Variants in IGFBPL1 observed in about 807,000 individuals in gnomAD.
IGFBPL1 encodes the protein insulin-like growth factor-binding protein-like 1.
In IGFBPL1, 20 loss-of-function variants were observed where a neutral mutation model predicts 23.9. The ratio of observed to expected loss-of-function variants is 0.84; its 90% CI spans 0.59 to 1.22. IGFBPL1 has a LOEUF of 1.22. Ranked by LOEUF, IGFBPL1 falls within the 50% of genes most tolerant of loss-of-function variation. The probability of loss-of-function intolerance (pLI) is 0.00; values close to 1 mark genes in which losing one functional copy is unlikely to be tolerated. For synonymous variants in IGFBPL1, 184 were observed against 171.8 expected (o/e 1.07, Z -0.56); for missense variants, 436 against 379.3 (o/e 1.15, Z -1.24).
chr9:38,411,392 T>A lies in IGFBPL1; in HGVS notation c.*8A>T. 1 of 1,612,022 alleles carries A rather than the reference T, an allele frequency of 6.2e-7. No homozygotes were observed. Among genetic ancestry groups the A allele is most frequent in the South Asian group, 1.1e-5 (1 of 90,604 alleles). ...CTGAAAATGACTTAGAACATGTACA[T>A]TTCTCCATCACATGCGGTCATCGGG... On this transcript the variant is annotated splice_region_variant and 3_prime_UTR_variant, in exon 4 of 5. Coordinates refer to ENST00000377694, the MANE Select transcript of IGFBPL1 (RefSeq NM_001007563.3).
In IGFBPL1 at chr9:38,424,127, G is replaced by A. The variant is rs1457223658; in HGVS notation, c.298C>T (p.Pro100Ser). ...VCASQAAGAAPEGTGLCVCAQ... is the reference protein window; with the variant it reads ...VCASQAAGAASEGTGLCVCAQ... ...CACACGCAGAGCCCGGTGCCCTCGGGCGCTGCCCCAGCGGCCTGGCTCGCG... is the reference window on the plus strand; with the variant it reads ...CACACGCAGAGCCCGGTGCCCTCGGACGCTGCCCCAGCGGCCTGGCTCGCG... The change falls in exon 1 of 5, where the codon CCC (proline) becomes TCC (serine). Residue 100 changes from proline (P) to serine (S), a missense_variant. Coordinates refer to ENST00000377694, the MANE Select transcript of IGFBPL1 (RefSeq NM_001007563.3). 7.9e-7 allele frequency: 1 copy of A among 1,263,442 alleles called. No homozygotes were observed. The highest frequency in any genetic ancestry group is 9.9e-7 in the Non-Finnish European group (1 of 1,005,190). The allele number at this position is 1,263,442 out of a possible 1,614,324, so 78.3% of individuals were successfully genotyped here.
intron 4 of IGFBPL1, among the ~76,000 whole-genome samples, 152 bp from the exon 5 acceptor site, chr9:38,409,369 A>G (rs543843745): frequency 1.4e-4 from 22 of 152,234 alleles, no homozygotes; most frequent in Non-Finnish European, 2.8e-4. Flanking sequence ...GGCCCTGTGG[A>G]GTCCCAAGAA....
At chr9:38,422,799 T>C (rs1476102234) in intron 1 of IGFBPL1, among the ~76,000 whole-genome samples, 1 of 152,142 alleles carries the variant, frequency 6.6e-6, no homozygotes, top group Non-Finnish European at 1.5e-5. Context: ...ACCCATTGCG[T>C]CTCCTGGACT....
intron 4 of IGFBPL1, among the ~76,000 whole-genome samples, chr9:38,410,396 T>C (rs1587411952): frequency 6.8e-6 from 1 of 146,894 alleles, no homozygotes; most frequent in Middle Eastern, 3.3e-3. Context: ...GGCAGGAGAG[T>C]GGCGTGAACC....
Position 38,413,309 on chromosome 9 carries a change from A to G in IGFBPL1, c.615T>C (p.Pro205=). 6.2e-7 allele frequency: 1 copy of G among 1,614,104 alleles called. No homozygotes were observed. Among genetic ancestry groups the G allele is most frequent in the Non-Finnish European group, 8.5e-7 (1 of 1,179,986 alleles). The part of the protein sequence containing the change: ...PEGTQALEEL[P]GDHVNIAVQV... Reference sequence around the variant, plus strand: ...GGACAGCTATATTGACATGGTCCCCAGGCAGCTCCTCCAGTGCTTGGGTGC... The same window carrying G: ...GGACAGCTATATTGACATGGTCCCCGGGCAGCTCCTCCAGTGCTTGGGTGC... Residue 205 remains proline, a synonymous_variant, in exon 3 of 5, where the codon CCT becomes CCC. Transcript: ENST00000377694.
chr9:38,420,993 T>C (rs1241557709), intron 1 of IGFBPL1, among the ~76,000 whole-genome samples: 3 of 151,930 alleles, frequency 2.0e-5, no homozygotes, highest in East Asian at 3.9e-4. Context: ...GTAAAAATCA[T>C]GTAAAAAGAT....
At chr9:38,419,413 C>T (rs1005544980) in intron 1 of IGFBPL1, among the ~76,000 whole-genome samples, 1 of 152,148 alleles carries the variant, frequency 6.6e-6, no homozygotes, top group African/African-American at 2.4e-5. Context: ...TTCTTTGTCC[C>T]TCTCACGAAG....
chr9:38,413,429 G>A, intron 2 of IGFBPL1, 76 bp from the exon 3 acceptor site: 1 of 914,056 alleles, frequency 1.1e-6, no homozygotes, highest in Non-Finnish European at 1.8e-6. Flanking sequence ...AGGCTTCCTT[G>A]CCCTCCTCCT....
chr9:38,411,685 C>A, intron 3 of IGFBPL1, 136 bp from the exon 4 acceptor site: 1 of 767,046 alleles, frequency 1.3e-6, no homozygotes, highest in Non-Finnish European at 2.0e-6. Flanking sequence ...TCTCTCCTTG[C>A]ATTGGCTGCC....
intron 3 of IGFBPL1, 70 bp from the exon 4 acceptor site, chr9:38,411,619 TAA>T: frequency 7.6e-7 from 1 of 1,308,838 alleles, no homozygotes; most frequent in Non-Finnish European, 1.1e-6. Flanking sequence ...AGTTAGTTCT[TAA>T]TGATAAGTCT....
At chr9:38,422,084 A>G (rs554751132) in intron 1 of IGFBPL1, among the ~76,000 whole-genome samples, 3 of 152,164 alleles carry the variant, frequency 2.0e-5, no homozygotes, top group Admixed American at 6.5e-5. Flanking sequence ...TGGAGTTTCC[A>G]TCTGCCATCT....
chr9:38,414,312 G>C (rs1441497825), intron 1 of IGFBPL1, 109 bp from the exon 2 acceptor site: 4 of 637,762 alleles, frequency 6.3e-6, no homozygotes, highest in Admixed American at 2.9e-5. Context: ...TGACATGAGG[G>C]GAGCGGCACA....
In IGFBPL1 at chr9:38,408,141, C is replaced by T. The variant is rs1315587015; in HGVS notation, c.*1086G>A. Reference sequence around the variant, plus strand: ...AGAGAATGCTAGGCTAGGCCAAGCACAGTGGCTGATGCCTATAATCCCAGC... The same window carrying T: ...AGAGAATGCTAGGCTAGGCCAAGCATAGTGGCTGATGCCTATAATCCCAGC... On this transcript the variant is annotated 3_prime_UTR_variant, in exon 5 of 5. Transcript: ENST00000377694. Among the ~76,000 whole-genome samples, 2 of 149,508 alleles carry T rather than the reference C, an allele frequency of 1.3e-5. No homozygotes were observed. Among genetic ancestry groups the T allele is most frequent in the Non-Finnish European group, 2.9e-5 (2 of 67,798 alleles).
intron 1 of IGFBPL1, among the ~76,000 whole-genome samples, chr9:38,415,107 T>A (rs890428798): frequency 3.3e-5 from 5 of 152,176 alleles, no homozygotes; most frequent in Non-Finnish European, 7.3e-5. Context: ...CACCCAGCTG[T>A]CATCTATAAG....
At position 38,408,338 on chromosome 9, in the gene IGFBPL1, C is replaced by G. The variant is rs1475104; in HGVS notation, c.*889G>C. ...AGCTACTCAGGAGGCTGAGGTGGAACGATCACTCGAGCCCAGAAAGTGGAG... is the reference window on the plus strand; with the variant it reads ...AGCTACTCAGGAGGCTGAGGTGGAAGGATCACTCGAGCCCAGAAAGTGGAG... On this transcript the variant is annotated 3_prime_UTR_variant, in exon 5 of 5. Transcript: ENST00000377694. Among the ~76,000 whole-genome samples the G allele has an allele frequency of 0.69, 103,626 of 150,160 alleles. 35,868 individuals carry two copies. Among genetic ancestry groups the G allele is most frequent in the Middle Eastern group, 0.76 (221 of 290 alleles).
chr9:38,424,366 GGCAGCAGCGGCAGCA>G lies in IGFBPL1; in HGVS notation c.44_58del (p.Leu15_Leu19del). On this transcript the variant is annotated inframe_deletion, in exon 1 of 5. Coordinates refer to ENST00000377694, the MANE Select transcript of IGFBPL1 (RefSeq NM_001007563.3). ...GATCCCAAGGCTCGGGGACAGCGGC[GGCAGCAGCGGCAGCA>G]GCAGCAGAAGCAGCAGCGGCAAGAG... The G allele has an allele frequency of 1.5e-6, 1 of 683,698 alleles. No homozygotes were observed. The highest frequency in any genetic ancestry group is 1.7e-5 in the South Asian group (1 of 58,950). The allele number at this position is 683,698 out of a possible 1,614,324, so 42.4% of individuals were successfully genotyped here.
intron 2 of IGFBPL1, 66 bp from the exon 3 acceptor site, chr9:38,413,419 A>G: frequency 9.7e-7 from 1 of 1,031,904 alleles, no homozygotes; most frequent in Admixed American, 1.8e-5. Context: ...ACCATCCCAT[A>G]GGCTTCCTTG....
Position 38,424,151 on chromosome 9 carries a change from C to A in IGFBPL1, c.274G>T (p.Ala92Ser). Residue 92 changes from alanine to serine, a missense_variant, in exon 1 of 5, where the codon GCG becomes TCG. Transcript: ENST00000377694. The stretch of plus-strand genomic sequence containing the variant: ...GGCGCTGCCCCAGCGGCCTGGCTCG[C>A]GCATACCAGGCCGGGGCCACAGCGC... ...GGRCGPGLVC[A>S]SQAAGAAPEG... The A allele has an allele frequency of 2.5e-6, 3 of 1,217,240 alleles. No homozygotes were observed. The highest frequency in any genetic ancestry group is 3.1e-6 in the Non-Finnish European group (3 of 978,668). The allele number at this position is 1,217,240 out of a possible 1,614,324, so 75.4% of individuals were successfully genotyped here.
Position 38,423,981 on chromosome 9 carries a change from G to T in IGFBPL1, c.444C>A (p.Asp148Glu). The T allele has an allele frequency of 7.1e-7, 1 of 1,405,418 alleles. No homozygotes were observed. Among genetic ancestry groups the T allele is most frequent in the Non-Finnish European group, 9.2e-7 (1 of 1,089,090 alleles). The allele number at this position is 1,405,418 out of a possible 1,614,324, so 87.1% of individuals were successfully genotyped here. A position where few individuals can be genotyped will look rare whatever the true frequency, so the allele number is the denominator to read the frequency against. Reference protein sequence around the residue: ...AHPGHLHKARDGPCEFAPVVV... With the variant: ...AHPGHLHKAREGPCEFAPVVV... ...CTGACTCACCGAACTCGCAAGGGCC[G>T]TCGCGCGCCTTGTGCAGGTGACCGG... The change falls in exon 1 of 5, where the codon GAC becomes GAA. Residue 148 changes from aspartate (D) to glutamate (E), a missense_variant. Transcript: ENST00000377694.
Sources: allele counts gnomAD v4.1 joint callset (sites outside exome capture counted in the v4.1 genomes callset), GRCh38; gene constraint gnomAD v4.1.1; transcripts MANE v1.5; gene names NCBI Gene and HGNC (gene_info 2026-07-23, HGNC 2026-07-21).